Variants in LTF observed in about 807,000 individuals in gnomAD.
LTF encodes lactotransferrin, also known as epididymis luminal protein 110.
Under a neutral mutation model 87.2 loss-of-function variants are expected in LTF, and 91 were observed. That is an observed-to-expected ratio of 1.04 (90% CI 0.88 to 1.24). LTF has a LOEUF of 1.24. Among genes scored for constraint, LTF ranks in the 50% most tolerant of loss-of-function variants. The pLI is 0.00. For missense variants in LTF, 901 were observed against 904.3 expected, an observed-to-expected ratio of 1.00 and a Z score of 0.05; for synonymous variants, 378 against 356.1, an observed-to-expected ratio of 1.06 and a Z score of -0.69.
Position 46,447,329 on chromosome 3 carries a change from G to A in LTF, c.1282C>T (p.Pro428Ser). The change falls in exon 10 of 17, where the codon CCT (proline) becomes TCT (serine). Residue 428 changes from proline to serine, a missense_variant. Coordinates refer to ENST00000231751, the MANE Select transcript of LTF (RefSeq NM_002343.6). The part of the protein sequence containing the change: ...VYTAGKCGLV[P>S]VLAENYKSQQ... ...TTACTGTAGTTCTCTGCCAGGACAG[G>A]CACCAAACCACATTTGCCTGCAGTG... is the stretch of plus-strand genomic sequence containing the variant. 1 of 1,614,014 alleles carries A rather than the reference G, an allele frequency of 6.2e-7. No homozygotes were observed. The highest frequency in any genetic ancestry group is 8.5e-7 in the Non-Finnish European group (1 of 1,179,900).
At chr3:46,452,036 TCA>T (rs1559600298) in intron 6 of LTF, among the ~76,000 whole-genome samples, 1 of 151,964 alleles carries the variant, frequency 6.6e-6, no homozygotes, top group African/African-American at 2.4e-5. Flanking sequence ...GATATCCAGA[TCA>T]CACAATTTAC....
chr3:46,452,529 T>C (rs1406144136), intron 6 of LTF, among the ~76,000 whole-genome samples: 1 of 152,202 alleles, frequency 6.6e-6, no homozygotes. Flanking sequence ...TTTAGCTGAG[T>C]ATATTTGAAA....
chr3:46,464,738 A>T, intron 1 of LTF, 87 bp downstream of exon 1: 1 of 1,492,052 alleles, frequency 6.7e-7, no homozygotes, highest in South Asian at 1.2e-5. Flanking sequence ...GCGCCCAGCC[A>T]ACCGGACACA....
chr3:46,455,704 AC>A, intron 4 of LTF, 91 bp downstream of exon 4: 1 of 1,419,472 alleles, frequency 7.0e-7, no homozygotes, highest in Non-Finnish European at 9.6e-7. Flanking sequence ...GATTCATCCC[AC>A]ACTTTCACCT....
At chr3:46,454,198 G>A in intron 6 of LTF, 107 bp downstream of exon 6, 1 of 977,774 alleles carries the variant, frequency 1.0e-6, no homozygotes, top group Non-Finnish European at 1.7e-6. Context: ...TAGGAATCTT[G>A]AAAATGGTCT....
intron 1 of LTF, among the ~76,000 whole-genome samples, chr3:46,477,823 G>A (rs770956894): frequency 2.0e-4 from 31 of 152,248 alleles, no homozygotes; most frequent in Admixed American, 2.6e-4. Context: ...TCTGGTCCCC[G>A]TTGTGAGCCA....
intron 9 of LTF, among the ~76,000 whole-genome samples, chr3:46,448,494 T>C (rs146169442): frequency 1.3e-5 from 2 of 152,340 alleles, no homozygotes; most frequent in Non-Finnish European, 2.9e-5. Flanking sequence ...TGCATGCATA[T>C]CTGCAGATGT....
At chr3:46,445,989 T>G (rs914709978) in intron 11 of LTF, among the ~76,000 whole-genome samples, 1 of 152,200 alleles carries the variant, frequency 6.6e-6, no homozygotes. Context: ...AGGGCAAGTC[T>G]TTTCTGAAAC....
Position 46,447,255 on chromosome 3 carries a change from C to T in LTF, c.1303+53G>A. On this transcript the variant is annotated intron_variant, in intron 10 of 16. Transcript: ENST00000231751. ...ATTCACCGAATGGGATTACTCATAG[C>T]CCCACTCCCATGACCCAGAGGGAAT... 3 of 1,287,788 alleles carry T rather than the reference C, an allele frequency of 2.3e-6. No individual in the cohort carries two copies. The South Asian group carries it at 3.6e-5, about 15-fold the overall frequency. 79.8% of individuals were successfully genotyped at this position (1,287,788 alleles called of 1,614,324 possible).
rs548504974 is a variant in LTF, at chr3:46,464,115, G to A, written c.43+710C>T. On this transcript the variant is annotated intron_variant, in intron 1 of 16. Coordinates refer to ENST00000231751, the MANE Select transcript of LTF (RefSeq NM_002343.6). ...CCCTCCCGGTGCTGCAGGGAGCTCC[G>A]CACTCACGCATTTAGGTCACTAATG... is the stretch of plus-strand genomic sequence containing the variant. Among the ~76,000 whole-genome samples, 5 of 152,264 alleles carry A rather than the reference G, an allele frequency of 3.3e-5. No homozygotes were observed. In the East Asian group the frequency reaches 9.7e-4, roughly 29 times the overall value.
In LTF at chr3:46,438,012, T is replaced by G; in HGVS notation, c.2026A>C (p.Thr676Pro). ...GGTCCCAAATATTTTTCATATGTTG[T>G]TTTGCCATGGAGTCTGGCCAGACAC... ...TECLARLHGK[T>P]TYEKYLGPQY... Residue 676 changes from threonine (T) to proline (P), a missense_variant, in exon 16 of 17, where the codon ACA (threonine) becomes CCA (proline). Transcript: ENST00000231751. The G allele has an allele frequency of 1.2e-6, 2 of 1,614,138 alleles. No homozygotes were observed. The highest frequency in any genetic ancestry group is 1.7e-6 in the Non-Finnish European group (2 of 1,180,008).
chr3:46,446,590 G>A (rs1363469241), intron 10 of LTF, 97 bp from the exon 11 acceptor site: 2 of 1,052,844 alleles, frequency 1.9e-6, no homozygotes, highest in East Asian at 4.8e-5. Context: ...CAAATCCAAA[G>A]AGACCGTCCC....
chr3:46,439,408 C>G lies in LTF; in HGVS notation c.1796G>C (p.Arg599Pro). Residue 599 changes from arginine (R) to proline (P), a missense_variant, in exon 15 of 17, where the codon CGG becomes CCG. By Grantham distance (103) the Arg-to-Pro change is moderately radical. Transcript: ENST00000231751. Reference sequence around the variant, plus strand: ...GCTTCTAGCCTCAGTCACAGGCTTCCGTTTGCCATCGAGGCACAGCAGCGC... The same window carrying G: ...GCTTCTAGCCTCAGTCACAGGCTTCGGTTTGCCATCGAGGCACAGCAGCGC... Reference protein sequence around the residue: ...DFALLCLDGKRKPVTEARSCH... With the variant: ...DFALLCLDGKPKPVTEARSCH... 1 of 1,614,232 alleles carries G rather than the reference C, an allele frequency of 6.2e-7. No homozygotes were observed.
At chr3:46,456,484 T>C in intron 2 of LTF, 86 bp from the exon 3 acceptor site, 5 of 1,071,906 alleles carry the variant, frequency 4.7e-6, no homozygotes, top group Admixed American at 1.9e-5. Flanking sequence ...AAAGTCTCCA[T>C]GGCTGGAAGG....
At chr3:46,447,764 C>A (rs1300336014) in intron 9 of LTF, among the ~76,000 whole-genome samples, 1 of 152,126 alleles carries the variant, frequency 6.6e-6, no homozygotes, top group Non-Finnish European at 1.5e-5. Context: ...CTCATTAGCA[C>A]TCCACTCCAA....
At chr3:46,472,619 C>A (rs1405865430) in intron 1 of LTF, among the ~76,000 whole-genome samples, 1 of 151,774 alleles carries the variant, frequency 6.6e-6, no homozygotes, top group Non-Finnish European at 1.5e-5. Flanking sequence ...CAGCCTCGAA[C>A]TCCCAGGCTC....
chr3:46,465,500 C>T (rs1703191031), upstream of LTF, among the ~76,000 whole-genome samples: 1 of 152,210 alleles, frequency 6.6e-6, no homozygotes, highest in East Asian at 1.9e-4. Flanking sequence ...TCCCAGAAAA[C>T]AGACAGGGAC....
intron 6 of LTF, among the ~76,000 whole-genome samples, chr3:46,451,254 C>G (rs1702796137): frequency 6.6e-6 from 1 of 152,128 alleles, no homozygotes; most frequent in Non-Finnish European, 1.5e-5. Flanking sequence ...GAGATTAGTA[C>G]AACCTTGATG....
chr3:46,456,531 A>T (rs2106883666), intron 2 of LTF, 133 bp from the exon 3 acceptor site: 1 of 645,754 alleles, frequency 1.5e-6, no homozygotes. Flanking sequence ...CTGTCCCCTC[A>T]CTTCCTATGA....
Sources: gnomAD v4.1 joint callset for allele counts (sites outside exome capture counted in the v4.1 genomes callset) on GRCh38, gnomAD v4.1.1 for gene constraint, MANE v1.5 for transcripts, NCBI Gene and HGNC (gene_info 2026-07-23, HGNC 2026-07-21) for gene names.